KCNMA1: variants seen among roughly 807,000 people sequenced by gnomAD.
KCNMA1 encodes the protein Calcium-activated potassium channel subunit alpha-1.
KCNMA1 carries 29 observed loss-of-function variants against 140.0 expected under a neutral mutation model. The ratio of observed to expected loss-of-function variants is 0.21; its 90% confidence interval spans 0.15 to 0.28. The LOEUF is 0.28. Among genes scored for constraint, KCNMA1 ranks in the 10% least tolerant of loss-of-function variants. The probability of loss-of-function intolerance (pLI) is 1.00; values close to 1 mark genes in which losing one functional copy is unlikely to be tolerated. For missense variants in KCNMA1, 880 were observed against 1,602.2 expected, an observed-to-expected ratio of 0.55 and a Z score of 7.70; for synonymous variants, 612 against 611.9, an observed-to-expected ratio of 1.00 and a Z score of 0.00.
chr10:77,472,209 C>A (rs1353268444), intron 1 of KCNMA1, among the ~76,000 whole-genome samples: 1 of 151,844 alleles, frequency 6.6e-6, no homozygotes, highest in Non-Finnish European at 1.5e-5. Flanking sequence ...CACACACACA[C>A]ACACTACACA....
At chr10:76,933,650 T>C (rs975219775) in intron 23 of KCNMA1, among the ~76,000 whole-genome samples, 1 of 152,156 alleles carries the variant, frequency 6.6e-6, no homozygotes, top group African/African-American at 2.4e-5. Flanking sequence ...CTCTGGAGTC[T>C]TTCCTGACTA....
At chr10:77,211,044 C>T (rs1421675360) in intron 3 of KCNMA1, among the ~76,000 whole-genome samples, 1 of 152,142 alleles carries the variant, frequency 6.6e-6, no homozygotes, top group African/African-American at 2.4e-5. Flanking sequence ...TAACATTCTT[C>T]ACAGAATTAG....
At chr10:77,203,927 T>A (rs2154160144) in intron 3 of KCNMA1, among the ~76,000 whole-genome samples, 1 of 151,940 alleles carries the variant, frequency 6.6e-6, no homozygotes, top group South Asian at 2.1e-4. Flanking sequence ...TGAAACCTCA[T>A]CTCTAATAGA....
chr10:77,404,055 A>G (rs748640649), intron 1 of KCNMA1, 32 bp from the exon 2 acceptor site: 4 of 1,609,920 alleles, frequency 2.5e-6, no homozygotes, highest in Non-Finnish European at 3.4e-6. Flanking sequence ...GTTAAGACAT[A>G]GGGAACAATG....
chr10:77,491,714 TACACACACACACACACAC>T (rs3071912), intron 1 of KCNMA1, among the ~76,000 whole-genome samples: 5 of 145,484 alleles, frequency 3.4e-5, no homozygotes, highest in Admixed American at 3.4e-4. Context: ...TTAGAAGTCA[TACACACACACACACACAC>T]ACACACACAC....
chr10:77,219,074 T>C (rs939490298), intron 3 of KCNMA1, among the ~76,000 whole-genome samples: 1 of 152,188 alleles, frequency 6.6e-6, no homozygotes, highest in Non-Finnish European at 1.5e-5. Context: ...CTGGTTCATT[T>C]CGTCTAGTGA....
At chr10:77,339,775 T>G (rs549377623) in intron 2 of KCNMA1, among the ~76,000 whole-genome samples, 7 of 152,334 alleles carry the variant, frequency 4.6e-5, no homozygotes, top group Admixed American at 3.9e-4. Flanking sequence ...CAGCTATAGG[T>G]GGCCACGCCA....
rs544118907 is a variant in KCNMA1 at position 77,100,641 on chromosome 10, C to T, written c.1223+7840G>A. 2.0e-5 allele frequency among the ~76,000 whole-genome samples: 3 copies of T among 152,186 alleles called. No individual in the cohort carries two copies. The East Asian group carries it at 5.8e-4, about 29-fold the overall frequency. On this transcript the variant is annotated intron_variant, in intron 9 of 27. Transcript: ENST00000286628. Reference sequence around the variant, plus strand: ...ATGATGACAGCAGCATGGAAGGAACCCCAAAGCTACCAGGAACCATTTTGC... The same window carrying T: ...ATGATGACAGCAGCATGGAAGGAACTCCAAAGCTACCAGGAACCATTTTGC...
intron 5 of KCNMA1, among the ~76,000 whole-genome samples, chr10:77,133,030 C>T (rs1386332093): frequency 6.6e-6 from 1 of 151,142 alleles, no homozygotes; most frequent in Non-Finnish European, 1.5e-5. Context: ...GAAAGGTGTG[C>T]AGAAATTCTT....
intron 2 of KCNMA1, among the ~76,000 whole-genome samples, chr10:77,341,237 C>T (rs1260065305): frequency 6.6e-6 from 1 of 152,224 alleles, no homozygotes; most frequent in Non-Finnish European, 1.5e-5. Flanking sequence ...ATATCACACA[C>T]TAATCTCAGT....
chr10:77,546,065 G>A (rs1392652660), intron 1 of KCNMA1, among the ~76,000 whole-genome samples: 2 of 152,222 alleles, frequency 1.3e-5, no homozygotes, highest in Non-Finnish European at 2.9e-5. Context: ...TTGGAGGGAA[G>A]GAGAGACACC....
intron 2 of KCNMA1, among the ~76,000 whole-genome samples, chr10:77,330,582 T>C (rs2154364934): frequency 6.6e-6 from 1 of 152,352 alleles, no homozygotes; most frequent in African/African-American, 2.4e-5. Context: ...CCTTGGTTCC[T>C]TCAATCTTCT....
intron 14 of KCNMA1, chr10:77,063,641 A>T: frequency 1.3e-6 from 1 of 744,010 alleles, no homozygotes; most frequent in Non-Finnish European, 1.6e-6. Flanking sequence ...ATTCACACTT[A>T]AAATCACCTT....
intron 19 of KCNMA1, among the ~76,000 whole-genome samples, chr10:76,993,030 A>G: frequency 6.6e-6 from 1 of 152,198 alleles, no homozygotes; most frequent in East Asian, 1.9e-4. Context: ...GGATTTAAAG[A>G]ATAATTCCCA....
intron 25 of KCNMA1, among the ~76,000 whole-genome samples, chr10:76,909,592 CCA>C (rs2049254562): frequency 6.6e-6 from 1 of 152,252 alleles, no homozygotes; most frequent in African/African-American, 2.4e-5. Context: ...CCCCCCAACA[CCA>C]GGTTTTGCAT....
At chr10:77,018,615 C>T (rs2092465217) in intron 17 of KCNMA1, among the ~76,000 whole-genome samples, 1 of 152,082 alleles carries the variant, frequency 6.6e-6, no homozygotes, top group South Asian at 2.1e-4. Context: ...TTCTATTTGG[C>T]AGGGAGAGTA....
At chr10:76,909,721 C>T (rs145173681) in intron 25 of KCNMA1, among the ~76,000 whole-genome samples, 236 of 152,270 alleles carry the variant, frequency 1.5e-3, no homozygotes, top group African/African-American at 5.5e-3. Context: ...TCCCCAAAAC[C>T]AGGTCAAGCC....
intron 3 of KCNMA1, among the ~76,000 whole-genome samples, chr10:77,235,117 C>T (rs941694875): frequency 2.0e-5 from 3 of 152,214 alleles, no homozygotes; most frequent in African/African-American, 7.2e-5. Flanking sequence ...GAAGCCTGTT[C>T]TTTTCTTTCC....
At chr10:77,151,055 C>A (rs1166006723) in intron 5 of KCNMA1, among the ~76,000 whole-genome samples, 1 of 152,086 alleles carries the variant, frequency 6.6e-6, no homozygotes, top group East Asian at 1.9e-4. Flanking sequence ...GGAAAAATAA[C>A]AATCATTCTC....
Sources: gnomAD v4.1 joint callset for allele counts (sites outside exome capture counted in the v4.1 genomes callset) on GRCh38, gnomAD v4.1.1 for gene constraint, MANE v1.5 for transcripts, NCBI Gene and HGNC (gene_info 2026-07-23, HGNC 2026-07-21) for gene names.